DNAH9: variants seen among roughly 807,000 people sequenced by gnomAD.
DNAH9 encodes the protein DNAH9 variant protein.
DNAH9 carries 345 observed loss-of-function variants against 471.6 expected under a neutral mutation model. The observed-to-expected ratio is 0.73, with a 90% CI of 0.67 to 0.80. The LOEUF (loss-of-function observed/expected upper bound fraction) is 0.80, where lower values mean the gene tolerates loss of function less well. DNAH9 is among the 30% of genes least tolerant of loss of function. DNAH9 has a pLI of 0.00. For synonymous variants in DNAH9, 2,093 were observed against 2,123.6 expected, an observed-to-expected ratio of 0.99 and a Z score of 0.40; for missense variants, 5,407 against 5,609.2, an observed-to-expected ratio of 0.96 and a Z score of 1.15.
chr17:11,662,099 T>C (rs1283397566), intron 14 of DNAH9, among the ~76,000 whole-genome samples: 1 of 152,194 alleles, frequency 6.6e-6, no homozygotes. Context: ...ATTGTGTTTA[T>C]AGTTTTGCTT....
chr17:11,883,489 T>A (rs1972791077), intron 55 of DNAH9, 97 bp from the exon 56 acceptor site: 2 of 1,443,120 alleles, frequency 1.4e-6, no homozygotes, highest in South Asian at 2.7e-5. Context: ...CACTTTACTA[T>A]CTTTAAGGCA....
intron 2 of DNAH9, among the ~76,000 whole-genome samples, chr17:11,610,185 A>G (rs2072603765): frequency 6.7e-6 from 1 of 149,438 alleles, no homozygotes; most frequent in South Asian, 2.1e-4. Context: ...ACACATAAGC[A>G]TTTTTTTTTT....
At chr17:11,883,194 CATTAAAGTAA>C (rs1972783449) in intron 55 of DNAH9, 2 of 993,864 alleles carry the variant, frequency 2.0e-6, no homozygotes, top group African/African-American at 3.5e-5. Context: ...GAGAGTTGTT[CATTAAAGTAA>C]ATTGGTAATA....
chr17:11,750,531 C>A (rs1489109300), intron 32 of DNAH9, among the ~76,000 whole-genome samples: 2 of 151,998 alleles, frequency 1.3e-5, no homozygotes, highest in African/African-American at 4.8e-5. Context: ...ATGTAATTGG[C>A]TACAGAGAAA....
intron 49 of DNAH9, among the ~76,000 whole-genome samples, chr17:11,843,148 A>G (rs115285940): frequency 0.018 from 2,741 of 152,288 alleles, 78 homozygotes; most frequent in African/African-American, 0.062. Flanking sequence ...AGCTCCCTTC[A>G]CTACTGTAAT....
Position 11,629,441 on chromosome 17 carries a change from T to G in DNAH9, c.1375T>G (p.Phe459Val), listed in dbSNP as rs570408216. 1.6e-5 allele frequency: 26 copies of G among 1,614,156 alleles called. No homozygotes were observed. In the South Asian group the frequency reaches 1.9e-4, roughly 12 times the overall value. Residue 459 changes from phenylalanine to valine, a missense_variant, in exon 7 of 69, where the codon TTC (phenylalanine) becomes GTC (valine). Transcript: ENST00000262442. The stretch of plus-strand genomic sequence containing the variant: ...GGGTCTTCTGAAGACGGCCCTGGAT[T>G]TCCACAAACTGGGAAAGGTGGAGTT... ...VEGLLKTALD[F>V]HKLGKVEFSG...
At chr17:11,680,982 C>G in intron 19 of DNAH9, 93 bp downstream of exon 19, 1 of 1,176,852 alleles carries the variant, frequency 8.5e-7, no homozygotes, top group Non-Finnish European at 1.2e-6. Flanking sequence ...ATTCTTCCAG[C>G]AGCTGCAGAC....
chr17:11,881,378 G>A lies in DNAH9; in HGVS notation c.10771G>A (p.Val3591Ile). Reference sequence around the variant, plus strand: ...GGAGGACCAGTTGCTGGCCGCTGTGGTCAGCATGGAGAGGCCAGACTTGGA... The same window carrying A: ...GGAGGACCAGTTGCTGGCCGCTGTGATCAGCATGGAGAGGCCAGACTTGGA... ...GLEDQLLAAV[V>I]SMERPDLEQL... The change falls in exon 55 of 69, where the codon GTC becomes ATC. Residue 3591 changes from valine to isoleucine, a missense_variant. Physicochemically the swap from Val to Ile is conservative, Grantham distance 29. Transcript: ENST00000262442. The A allele has an allele frequency of 6.2e-7, 1 of 1,613,790 alleles. No homozygotes were observed.
chr17:11,960,509 T>C (rs1173246031), intron 67 of DNAH9, among the ~76,000 whole-genome samples: 1 of 143,250 alleles, frequency 7.0e-6, no homozygotes, highest in Non-Finnish European at 1.5e-5. Context: ...ATCCCATCAA[T>C]TCTGGAGATT....
At chr17:11,776,415 C>T (rs573666837) in intron 38 of DNAH9, among the ~76,000 whole-genome samples, 10 of 151,880 alleles carry the variant, frequency 6.6e-5, no homozygotes. Flanking sequence ...GATAACTCTC[C>T]AGGAACTTTA....
At chr17:11,829,316 G>A (rs547524306) in intron 48 of DNAH9, among the ~76,000 whole-genome samples, 67 of 152,242 alleles carry the variant, frequency 4.4e-4, no homozygotes, top group African/African-American at 1.6e-3. Context: ...TCTGGCGGGA[G>A]GAGGCTAAAT....
intron 49 of DNAH9, among the ~76,000 whole-genome samples, chr17:11,847,284 A>G (rs1332078235): frequency 6.6e-6 from 1 of 152,148 alleles, no homozygotes; most frequent in Non-Finnish European, 1.5e-5. Context: ...ATCCTTGCTC[A>G]TTCCTATGTC....
rs767183695 is a variant in DNAH9 at position 11,754,638 on chromosome 17, GTGTC to G, written c.6738+1682_6738+1685del. Among the ~76,000 whole-genome samples the G allele has an allele frequency of 6.6e-5, 10 of 152,266 alleles. No individual in the cohort carries two copies. The East Asian group carries it at 9.7e-4, about 15-fold the overall frequency. On this transcript the variant is annotated intron_variant, in intron 33 of 68. Coordinates refer to ENST00000262442, the MANE Select transcript of DNAH9 (RefSeq NM_001372.4). ...CACAAAAATTGTCATCTTTAGAAAA[GTGTC>G]TGTTCATGTTCTTTGTCCACTTTTT...
intron 28 of DNAH9, among the ~76,000 whole-genome samples, chr17:11,731,659 T>A (rs2075273271): frequency 6.6e-6 from 1 of 151,310 alleles, no homozygotes; most frequent in Non-Finnish European, 1.5e-5. Flanking sequence ...GTTTGGTTTT[T>A]TGTCCTTGTG....
At position 11,883,786 on chromosome 17, in the gene DNAH9, A is replaced by C. The variant is rs746280455; in HGVS notation, c.10971+36A>C. The C allele has an allele frequency of 2.7e-4, 430 of 1,592,932 alleles. 3 individuals are homozygous for C. The highest frequency in any genetic ancestry group is 1.3e-5 in the Non-Finnish European group (15 of 1,172,080). ...TCTGGCTAGTCTGGGAAGGCAGCCTAGGCTGGGGTCCTCCTACAATTTTCT... is the reference window on the plus strand; with the variant it reads ...TCTGGCTAGTCTGGGAAGGCAGCCTCGGCTGGGGTCCTCCTACAATTTTCT... On this transcript the variant is annotated intron_variant, in intron 56 of 68. Transcript: ENST00000262442.
At chr17:11,620,642 G>T (rs1009821138) in intron 6 of DNAH9, among the ~76,000 whole-genome samples, 14 of 152,122 alleles carry the variant, frequency 9.2e-5, no homozygotes, top group African/African-American at 2.9e-4. Flanking sequence ...AAGGCCCAAG[G>T]AATCAATGAA....
intron 14 of DNAH9, among the ~76,000 whole-genome samples, chr17:11,662,997 C>T (rs1052873501): frequency 2.1e-4 from 32 of 151,650 alleles, no homozygotes; most frequent in Admixed American, 1.4e-3. Context: ...CCTCGTGATC[C>T]GCCCGCCTCG....
At chr17:11,762,766 T>TGTTTGTTTG (rs1555584612) in intron 35 of DNAH9, among the ~76,000 whole-genome samples, 8 of 87,238 alleles carry the variant, frequency 9.2e-5, no homozygotes, top group South Asian at 3.8e-4. Context: ...GCGTTTTTTT[T>TGTTTGTTTG]TTTGTTTTTT....
chr17:11,688,724 G>A (rs79988180), intron 19 of DNAH9, among the ~76,000 whole-genome samples: 3,673 of 152,274 alleles, frequency 0.024, 148 homozygotes, highest in African/African-American at 0.083. Flanking sequence ...ATGCAGCCCA[G>A]GCTGATAGCC....
Sources: gnomAD v4.1 joint callset for allele counts (sites outside exome capture counted in the v4.1 genomes callset) on GRCh38, gnomAD v4.1.1 for gene constraint, MANE v1.5 for transcripts, NCBI Gene and HGNC (gene_info 2026-07-23, HGNC 2026-07-21) for gene names.